RB1: variants seen among roughly 807,000 people sequenced by gnomAD.
The protein encoded by RB1 is retinoblastoma-associated protein.
In RB1, 18 loss-of-function variants were observed where a neutral mutation model predicts 135.4. That is an observed-to-expected ratio of 0.13 (90% CI 0.09 to 0.20). The LOEUF (loss-of-function observed/expected upper bound fraction) is 0.20, where lower values mean the gene tolerates loss of function less well. RB1 is among the 10% of genes least tolerant of loss of function. RB1 has a pLI of 1.00. For synonymous variants in RB1, 365 were observed against 373.2 expected, an observed-to-expected ratio of 0.98 and a Z score of 0.25; for missense variants, 868 against 1,110.0, an observed-to-expected ratio of 0.78 and a Z score of 3.10.
In RB1 at chr13:48,319,422, G is replaced by A. The variant is rs909012885; in HGVS notation, c.264+12016G>A. The stretch of plus-strand genomic sequence containing the variant: ...GCTGCTGGAGTCTGACGCCTCGGGC[G>A]CCTGCGCCGCACTTGTGACTTGCTT... On this transcript the variant is annotated intron_variant, in intron 2 of 26. Transcript: ENST00000267163. The surrounding 1 kb of genome is among the most constrained non-coding windows in gnomAD (Gnocchi z 5.0). The A allele has an allele frequency of 5.3e-6, 2 of 375,676 alleles. No individual in the cohort carries two copies. The highest frequency in any genetic ancestry group is 2.6e-5 in the South Asian group (1 of 38,130). The allele number at this position is 375,676 out of a possible 1,614,324, so 23.3% of individuals were successfully genotyped here.
At chr13:48,436,237 GT>G (rs1949182337) in intron 17 of RB1, among the ~76,000 whole-genome samples, 1 of 152,178 alleles carries the variant, frequency 6.6e-6, no homozygotes, top group Non-Finnish European at 1.5e-5. Flanking sequence ...TATTTGAGAT[GT>G]TTGCCACATA....
At chr13:48,326,541 G>A (rs1952288944) in intron 2 of RB1, among the ~76,000 whole-genome samples, 1 of 152,064 alleles carries the variant, frequency 6.6e-6, no homozygotes, top group African/African-American at 2.4e-5. Context: ...TGGATAGTTT[G>A]CCTACATTAA....
intron 4 of RB1, among the ~76,000 whole-genome samples, chr13:48,346,118 T>TC (rs398022677): frequency 6.7e-6 from 1 of 149,050 alleles, no homozygotes; most frequent in Non-Finnish European, 1.5e-5. Context: ...TTTTTTTTTT[T>TC]GGTCTTTTCT....
chr13:48,317,050 G>A (rs1952190582), intron 2 of RB1: 2 of 700,338 alleles, frequency 2.9e-6, no homozygotes, highest in South Asian at 2.5e-5. Flanking sequence ...GGCAAACTCC[G>A]CCCTGTCTGT....
In RB1 at chr13:48,319,149, G is replaced by A; in HGVS notation, c.264+11743G>A. On this transcript the variant is annotated intron_variant, in intron 2 of 26. Transcript: ENST00000267163. The surrounding 1 kb of genome is among the most constrained non-coding windows in gnomAD (Gnocchi z 5.0). The stretch of plus-strand genomic sequence containing the variant: ...GCTTTGGTTTCCTTCGGGAGCTTGT[G>A]GGGAATGGTCAGCGTCTAGGCACCC... 4 of 604,772 alleles carry A rather than the reference G, an allele frequency of 6.6e-6. No homozygotes were observed. The highest frequency in any genetic ancestry group is 6.4e-5 in the South Asian group (4 of 62,452). 37.5% of individuals were successfully genotyped at this position (604,772 alleles called of 1,614,324 possible).
chr13:48,327,255 A>G (rs1219917300), intron 2 of RB1, among the ~76,000 whole-genome samples: 1 of 152,138 alleles, frequency 6.6e-6, no homozygotes, highest in Non-Finnish European at 1.5e-5. Context: ...GTACATTTAA[A>G]TTTTTGGTGG....
intron 4 of RB1, among the ~76,000 whole-genome samples, chr13:48,346,031 C>T (rs1593436282): frequency 6.6e-6 from 1 of 150,868 alleles, no homozygotes; most frequent in Non-Finnish European, 1.5e-5. Context: ...AACTCAAAGG[C>T]CTAGGGCTTT....
intron 2 of RB1, among the ~76,000 whole-genome samples, chr13:48,331,529 C>A (rs1407793575): frequency 6.6e-6 from 1 of 152,106 alleles, no homozygotes; most frequent in Non-Finnish European, 1.5e-5. Flanking sequence ...TCTCACCATG[C>A]GATACCCTGC....
chr13:48,441,706 G>A (rs1367593649), intron 17 of RB1, among the ~76,000 whole-genome samples: 1 of 152,084 alleles, frequency 6.6e-6, no homozygotes, highest in Non-Finnish European at 1.5e-5. Context: ...AAAAAGTTTA[G>A]CACTAGGAAT....
At chr13:48,367,953 T>TA (rs1239491736) in intron 10 of RB1, among the ~76,000 whole-genome samples, 6 of 152,146 alleles carry the variant, frequency 3.9e-5, no homozygotes, top group Non-Finnish European at 7.4e-5. Context: ...CTGGTTTATT[T>TA]AAAAAAGTTT....
intron 17 of RB1, among the ~76,000 whole-genome samples, chr13:48,392,653 T>C (rs1948619783): frequency 6.6e-6 from 1 of 152,186 alleles, no homozygotes; most frequent in African/African-American, 2.4e-5. Context: ...CTTTACCTTC[T>C]TGAACATATG....
intron 1 of RB1, among the ~76,000 whole-genome samples, chr13:48,304,405 GGA>G (rs1292398463): frequency 6.6e-6 from 1 of 152,152 alleles, no homozygotes; most frequent in Non-Finnish European, 1.5e-5. Context: ...GGTGTCTGTG[GGA>G]GAGTTTTTCA....
intron 2 of RB1, among the ~76,000 whole-genome samples, chr13:48,323,786 A>C (rs1348296891): frequency 6.6e-6 from 1 of 152,102 alleles, no homozygotes; most frequent in Non-Finnish European, 1.5e-5. Context: ...TCCAAGACCC[A>C]TTAAGCTTTC....
chr13:48,328,217 C>T (rs1262058429), intron 2 of RB1: 8 of 1,453,368 alleles, frequency 5.5e-6, no homozygotes, highest in African/African-American at 1.4e-5. Context: ...TTGCAATATT[C>T]TTCATCCTCA....
At chr13:48,358,793 T>C (rs534644900) in intron 6 of RB1, among the ~76,000 whole-genome samples, 32 of 152,232 alleles carry the variant, frequency 2.1e-4, no homozygotes, top group African/African-American at 6.5e-4. Flanking sequence ...TCATTTGATA[T>C]TGGTACCAGC....
At position 48,465,129 on chromosome 13, in the gene RB1, T is replaced by C. The variant is rs2138345149; in HGVS notation, c.2325+18T>C. The stretch of plus-strand genomic sequence containing the variant: ...CCACCAGGGTAGGTCAAAAGTATCC[T>C]TTGATTGGAAAAATCTAATGTAATG... On this transcript the variant is annotated intron_variant, in intron 22 of 26. Transcript: ENST00000267163. 1.2e-6 allele frequency: 2 copies of C among 1,613,646 alleles called. No homozygotes were observed. Among genetic ancestry groups the C allele is most frequent in the Non-Finnish European group, 1.7e-6 (2 of 1,179,616 alleles).
chr13:48,413,298 A>G (rs1357756599), intron 17 of RB1, among the ~76,000 whole-genome samples: 1 of 152,202 alleles, frequency 6.6e-6, no homozygotes, highest in Non-Finnish European at 1.5e-5. Context: ...TGGTCTGCTC[A>G]TTAACTCTTT....
intron 17 of RB1, among the ~76,000 whole-genome samples, chr13:48,387,773 T>A (rs539157334): frequency 2.8e-4 from 42 of 152,202 alleles, no homozygotes; most frequent in Admixed American, 1.3e-4. Context: ...TTTTAATTAC[T>A]AACAAAGTAA....
At chr13:48,420,470 C>G (rs1948988318) in intron 17 of RB1, among the ~76,000 whole-genome samples, 1 of 152,184 alleles carries the variant, frequency 6.6e-6, no homozygotes, top group African/African-American at 2.4e-5. Flanking sequence ...CCTTTGAAAA[C>G]TGGCACAAGA....
Sources: allele counts gnomAD v4.1 joint callset (sites outside exome capture counted in the v4.1 genomes callset), GRCh38; gene constraint gnomAD v4.1.1; non-coding constraint Gnocchi (gnomAD v3.1); transcripts MANE v1.5; gene names NCBI Gene and HGNC (gene_info 2026-07-23, HGNC 2026-07-21).